CHAF1B: variants seen among roughly 807,000 people sequenced by gnomAD.
CHAF1B encodes the protein CAF-1 subunit B.
Under a neutral mutation model 60.7 loss-of-function variants are expected in CHAF1B, and 10 were observed. The ratio of observed to expected loss-of-function variants is 0.16; its 90% confidence interval spans 0.10 to 0.28. The LOEUF (loss-of-function observed/expected upper bound fraction) is 0.28, where lower values mean the gene tolerates loss of function less well. CHAF1B is among the 10% of genes least tolerant of loss of function. The probability of loss-of-function intolerance (pLI) is 1.00; values close to 1 mark genes in which losing one functional copy is unlikely to be tolerated. For synonymous variants in CHAF1B, 261 were observed against 266.1 expected, an observed-to-expected ratio of 0.98 and a Z score of 0.19; for missense variants, 558 against 708.4, an observed-to-expected ratio of 0.79 and a Z score of 2.41.
At chr21:36,409,870 T>C (rs2086264127) in intron 10 of CHAF1B, among the ~76,000 whole-genome samples, 1 of 151,788 alleles carries the variant, frequency 6.6e-6, no homozygotes, top group South Asian at 2.1e-4. Flanking sequence ...TTTTTTTTTT[T>C]CTTTCTTCAG....
At position 36,409,436 on chromosome 21, in the gene CHAF1B, A is replaced by G. The variant is rs753559381; in HGVS notation, c.890A>G (p.Tyr297Cys). 3 of 1,613,448 alleles carry G rather than the reference A, an allele frequency of 1.9e-6. No homozygotes were observed. Among genetic ancestry groups the G allele is most frequent in the African/African-American group, 2.7e-5 (2 of 74,780 alleles). ...ATLAVRCCPV[Y>C]FELRPVVETG... ...CTTGCTGTTCGCTGCTGTCCGGTCTACTTTGAACTGAGGCCAGTGGTGGAA... is the reference window on the plus strand; with the variant it reads ...CTTGCTGTTCGCTGCTGTCCGGTCTGCTTTGAACTGAGGCCAGTGGTGGAA... Residue 297 changes from tyrosine (Y) to cysteine (C), a missense_variant, in exon 10 of 14, where the codon TAC becomes TGC. Tyr to Cys is a radical substitution (Grantham distance 194). Around this residue, in one of 2 missense-constraint regions of CHAF1B, gnomAD observed 325 missense variants for 493.5 expected, o/e 0.66. Transcript: ENST00000314103.
intron 12 of CHAF1B, among the ~76,000 whole-genome samples, chr21:36,414,171 T>C (rs1218286348): frequency 1.3e-5 from 2 of 152,210 alleles, no homozygotes; most frequent in African/African-American, 4.8e-5. Context: ...CTGCAGCTGA[T>C]GTCCAGTTAC....
chr21:36,402,798 C>G lies in CHAF1B; in HGVS notation c.704C>G (p.Ser235Cys). ...ATGTTTCACGACGACAGCATGAAGT[C>G]TTTCTTCCGTAGACTGAGTTTCACT... ...YRMFHDDSMK[S>C]FFRRLSFTPD... The change falls in exon 8 of 14, where the codon TCT becomes TGT. Residue 235 changes from serine to cysteine, a missense_variant. By Grantham distance (112) the Ser-to-Cys change is moderately radical. Transcript: ENST00000314103. 1 of 1,614,062 alleles carries G rather than the reference C, an allele frequency of 6.2e-7. No homozygotes were observed. Among genetic ancestry groups the G allele is most frequent in the Non-Finnish European group, 8.5e-7 (1 of 1,179,976 alleles).
At chr21:36,411,826 T>G (rs2086280520) in intron 11 of CHAF1B, among the ~76,000 whole-genome samples, 1 of 152,092 alleles carries the variant, frequency 6.6e-6, no homozygotes, top group South Asian at 2.1e-4. Flanking sequence ...CCTCCCAGGT[T>G]CAAGTGATTT....
In CHAF1B at chr21:36,386,274, C is replaced by A; in HGVS notation, c.126+12C>A. 2 of 1,612,826 alleles carry A rather than the reference C, an allele frequency of 1.2e-6. No individual in the cohort carries two copies. Among genetic ancestry groups the A allele is most frequent in the South Asian group, 1.1e-5 (1 of 90,960 alleles). ...ACACCAATGTCAGGGTAAACTGGGGCAGAGATAGACATCCGGGAACACTGC... is the reference window on the plus strand; with the variant it reads ...ACACCAATGTCAGGGTAAACTGGGGAAGAGATAGACATCCGGGAACACTGC... On this transcript the variant is annotated intron_variant, in intron 2 of 13. Coordinates refer to ENST00000314103, the MANE Select transcript of CHAF1B (RefSeq NM_005441.3).
chr21:36,402,374 G>A (rs1490912035), intron 7 of CHAF1B, among the ~76,000 whole-genome samples: 1 of 152,156 alleles, frequency 6.6e-6, no homozygotes, highest in African/African-American at 2.4e-5. Flanking sequence ...GAGGTCTCCT[G>A]GTCATCTTCC....
At chr21:36,407,352 T>TA (rs1344223727) in intron 8 of CHAF1B, among the ~76,000 whole-genome samples, 5 of 151,464 alleles carry the variant, frequency 3.3e-5, no homozygotes. Context: ...CAAGCATTGT[T>TA]TATAGTGGTA....
intron 3 of CHAF1B, chr21:36,389,059 A>G (rs554114426): frequency 6.6e-6 from 1 of 152,518 alleles, no homozygotes; most frequent in African/African-American, 2.4e-5. Context: ...TCGGGGTAAG[A>G]TCCCGCGTCG....
intron 6 of CHAF1B, 86 bp downstream of exon 6, chr21:36,397,597 A>AGAT (rs2086152354): frequency 1.6e-6 from 1 of 606,408 alleles, no homozygotes; most frequent in African/African-American, 1.9e-5. Context: ...AACTTAGCCA[A>AGAT]GATTTATCAT....
chr21:36,415,482 G>A, intron 13 of CHAF1B, 93 bp downstream of exon 13: 1 of 893,686 alleles, frequency 1.1e-6, no homozygotes, highest in Non-Finnish European at 1.8e-6. Context: ...TTTTAAGTCA[G>A]TTCTGAGACA....
intron 6 of CHAF1B, chr21:36,398,176 C>G (rs551209584): frequency 1.3e-5 from 2 of 151,778 alleles, no homozygotes; most frequent in African/African-American, 4.8e-5. Context: ...CTTCAGCCCC[C>G]CAAGTAATTG....
chr21:36,397,698 C>T (rs556689012), intron 6 of CHAF1B, 187 bp downstream of exon 6: 10 of 316,092 alleles, frequency 3.2e-5, no homozygotes, highest in South Asian at 2.0e-4. Context: ...GTGCCTTACA[C>T]GAAGTTTGTA....
intron 8 of CHAF1B, among the ~76,000 whole-genome samples, chr21:36,403,191 A>T (rs1213441384): frequency 6.6e-6 from 1 of 151,964 alleles, no homozygotes; most frequent in Non-Finnish European, 1.5e-5. Context: ...GGCACAGTGG[A>T]TCACACCTGT....
chr21:36,396,989 A>G lies in CHAF1B; in HGVS notation c.482-426A>G, dbSNP rs138611384. Among the ~76,000 whole-genome samples the G allele has an allele frequency of 6.8e-4, 103 of 152,186 alleles. 1 individual carries two copies. Among genetic ancestry groups the G allele is most frequent in the East Asian group, 5.8e-3 (30 of 5,178 alleles). ...TTGGCCCTCCTCTGTACCCATTAGC[A>G]GTTCTCAGCTACCTCTCCCTGCTCC... On this transcript the variant is annotated intron_variant, in intron 5 of 13. Coordinates refer to ENST00000314103, the MANE Select transcript of CHAF1B (RefSeq NM_005441.3).
intron 3 of CHAF1B, among the ~76,000 whole-genome samples, chr21:36,390,960 A>G (rs563106126): frequency 2.6e-5 from 4 of 152,254 alleles, no homozygotes; most frequent in Admixed American, 1.3e-4. Flanking sequence ...CCTGCCTATT[A>G]TCCCCATTTA....
intron 3 of CHAF1B, 64 bp from the exon 4 acceptor site, chr21:36,391,487 T>G (rs375331531): frequency 1.1e-4 from 88 of 806,602 alleles, no homozygotes; most frequent in African/African-American, 1.6e-4. Flanking sequence ...AAAATGAAAA[T>G]AAAAATCCTA....
intron 8 of CHAF1B, 127 bp from the exon 9 acceptor site, chr21:36,408,634 C>T (rs1250144644): frequency 3.1e-6 from 2 of 654,246 alleles, no homozygotes; most frequent in African/African-American, 3.7e-5. Context: ...ACAACATTGT[C>T]CAGAGAATAT....
Position 36,410,315 on chromosome 21 carries a change from G to A in CHAF1B, c.919+850G>A, listed in dbSNP as rs1046684943. 7.2e-5 allele frequency among the ~76,000 whole-genome samples: 11 copies of A among 152,022 alleles called. No homozygotes were observed. The South Asian group carries it at 8.3e-4, about 11-fold the overall frequency. ...TTCATTGAACTTCGTAGATCTATCC[G>A]TTTATAGTTTTTATTACATTTGGGA... is the stretch of plus-strand genomic sequence containing the variant. On this transcript the variant is annotated intron_variant, in intron 10 of 13. Coordinates refer to ENST00000314103, the MANE Select transcript of CHAF1B (RefSeq NM_005441.3).
At chr21:36,414,277 G>A (rs2086300983) in intron 12 of CHAF1B, among the ~76,000 whole-genome samples, 1 of 152,238 alleles carries the variant, frequency 6.6e-6, no homozygotes, top group Non-Finnish European at 1.5e-5. Flanking sequence ...GGGGGATGCA[G>A]AGGGGAGTGG....
Sources: allele counts gnomAD v4.1 joint callset (sites outside exome capture counted in the v4.1 genomes callset), GRCh38; gene constraint gnomAD v4.1.1; regional missense constraint gnomAD v4.1.1; transcripts MANE v1.5; gene names NCBI Gene and HGNC (gene_info 2026-07-23, HGNC 2026-07-21).